The following DNAAF9 variants were observed in gnomAD, a reference collection of about 807,000 sequenced individuals.
DNAAF9 encodes the protein shulin.
A neutral mutation model predicts 167.0 loss-of-function variants in DNAAF9; 90 were observed. The ratio of observed to expected loss-of-function variants is 0.54; its 90% CI spans 0.45 to 0.64. The LOEUF (loss-of-function observed/expected upper bound fraction) is 0.64, where lower values mean the gene tolerates loss of function less well. Among genes scored for constraint, DNAAF9 ranks in the 30% least tolerant of loss-of-function variants. The pLI, the probability that DNAAF9 is intolerant of heterozygous loss-of-function variation, is 0.00. For missense variants in DNAAF9, 1,315 were observed against 1,442.2 expected, an observed-to-expected ratio of 0.91 and a Z score of 1.43; for synonymous variants, 491 against 508.8, an observed-to-expected ratio of 0.96 and a Z score of 0.47.
At chr20:3,255,928 G>T in intron 34 of DNAAF9, 78 bp downstream of exon 34, 3 of 1,085,738 alleles carry the variant, frequency 2.8e-6, no homozygotes, top group East Asian at 5.0e-5. Flanking sequence ...AGGCAGTGGC[G>T]GGGCTTCTCA....
chr20:3,360,524 GT>G lies in DNAAF9; in HGVS notation c.613-932del, dbSNP rs1186269790. Among the ~76,000 whole-genome samples the G allele has an allele frequency of 3.3e-5, 5 of 151,942 alleles. No homozygotes were observed. In the East Asian group the frequency reaches 9.6e-4, roughly 29 times the overall value. On this transcript the variant is annotated intron_variant, in intron 6 of 36. Transcript: ENST00000252032. Reference sequence around the variant, plus strand: ...TACACAATGAATTGCTTTTATTTTGGTATGCATCCAAATTTCAGCATTTAGT... The same window carrying G: ...TACACAATGAATTGCTTTTATTTTGGATGCATCCAAATTTCAGCATTTAGT...
At position 3,382,412 on chromosome 20, in the gene DNAAF9, G is replaced by A; in HGVS notation, c.163+15C>T. On this transcript the variant is annotated intron_variant, in intron 2 of 36. Coordinates refer to ENST00000252032, the MANE Select transcript of DNAAF9 (RefSeq NM_001009984.3). ...TTGCCCAAGCCCTGAGTCCCACCTT[G>A]TTAAAAGCACTGACCTAGGATGCAG... 1 of 1,607,446 alleles carries A rather than the reference G, an allele frequency of 6.2e-7. No individual in the cohort carries two copies. The highest frequency in any genetic ancestry group is 8.5e-7 in the Non-Finnish European group (1 of 1,174,226).
At chr20:3,392,491 C>A (rs569790162) in intron 1 of DNAAF9, among the ~76,000 whole-genome samples, 3 of 152,344 alleles carry the variant, frequency 2.0e-5, no homozygotes, top group Admixed American at 6.5e-5. Context: ...AGATTAACAT[C>A]ATCAGAACCT....
chr20:3,404,663 G>C lies in DNAAF9; in HGVS notation c.83+2812C>G, dbSNP rs551571897. Among the ~76,000 whole-genome samples the C allele has an allele frequency of 1.8e-4, 27 of 152,094 alleles. 1 individual carries two copies. Among genetic ancestry groups the C allele is most frequent in the Non-Finnish European group, 3.1e-4 (21 of 68,024 alleles). On this transcript the variant is annotated intron_variant, in intron 1 of 36. Coordinates refer to ENST00000252032, the MANE Select transcript of DNAAF9 (RefSeq NM_001009984.3). ...TTACAAAAGAGTTATTTGAGGGCAG[G>C]GGACTGCTGTATTTATCTGACTCTA...
At chr20:3,316,613 A>G in intron 18 of DNAAF9, 110 bp downstream of exon 18, 1 of 665,670 alleles carries the variant, frequency 1.5e-6, no homozygotes, top group Non-Finnish European at 2.8e-6. Context: ...AACAACAGCT[A>G]GTTCAGGACC....
At chr20:3,353,862 T>C (rs532986065) in intron 7 of DNAAF9, among the ~76,000 whole-genome samples, 7 of 152,142 alleles carry the variant, frequency 4.6e-5, no homozygotes, top group East Asian at 3.9e-4. Flanking sequence ...GAGAAGAAGA[T>C]AGGCACTTTG....
Position 3,262,272 on chromosome 20 carries a change from C to T in DNAAF9, c.2873+2166G>A, listed in dbSNP as rs558086075. The stretch of plus-strand genomic sequence containing the variant: ...TCTTTTTTTTTTTTTTTTTTTGACA[C>T]GGAGTTTTGCTCTTGTTGCCCAGGC... On this transcript the variant is annotated intron_variant, in intron 31 of 36. Coordinates refer to ENST00000252032, the MANE Select transcript of DNAAF9 (RefSeq NM_001009984.3). Among the ~76,000 whole-genome samples, 9 of 141,024 alleles carry T rather than the reference C, an allele frequency of 6.4e-5. No individual in the cohort carries two copies. In the East Asian group the frequency reaches 1.4e-3, roughly 22 times the overall value. 92.5% of individuals were successfully genotyped at this position (141,024 alleles called of 152,430 possible).
At position 3,265,576 on chromosome 20, in the gene DNAAF9, G is replaced by GAAAA. The variant is rs1228259726; in HGVS notation, c.2787-1056_2787-1053dup. 5.5e-3 allele frequency among the ~76,000 whole-genome samples: 185 copies of GAAAA among 33,830 alleles called. 2 individuals are homozygous for GAAAA. The highest frequency in any genetic ancestry group is 0.019 in the African/African-American group (179 of 9,570). 22.2% of individuals were successfully genotyped at this position (33,830 alleles called of 152,430 possible). On this transcript the variant is annotated intron_variant, in intron 30 of 36. Transcript: ENST00000252032. ...GGTGACAGAGTGAGACTCTGTCTCA[G>GAAAA]AAAAAAAAAAAAAAAAAAAAAGACT...
chr20:3,394,607 A>G (rs1449446772), intron 1 of DNAAF9, among the ~76,000 whole-genome samples: 2 of 152,142 alleles, frequency 1.3e-5, no homozygotes, highest in African/African-American at 4.8e-5. Context: ...ATTCCACTGG[A>G]ATTTTTTTAC....
intron 1 of DNAAF9, among the ~76,000 whole-genome samples, chr20:3,393,086 T>G (rs529280217): frequency 6.4e-4 from 97 of 152,348 alleles, no homozygotes; most frequent in Non-Finnish European, 1.2e-3. Flanking sequence ...TCCAGCTTAG[T>G]ACATAGAACC....
rs1174071985 is a variant in DNAAF9 at position 3,343,675 on chromosome 20, C to T, written c.845+1G>A. 3 of 1,609,316 alleles carry T rather than the reference C, an allele frequency of 1.9e-6. No homozygotes were observed. Among genetic ancestry groups the T allele is most frequent in the African/African-American group, 1.3e-5 (1 of 74,826 alleles). Reference sequence around the variant, plus strand: ...CCTTCTTCCCCAAGAAAGAAACTTACCTGTTTTCAGTTATATGGCTAGAGA... The same window carrying T: ...CCTTCTTCCCCAAGAAAGAAACTTATCTGTTTTCAGTTATATGGCTAGAGA... On this transcript the variant is annotated splice_donor_variant, in intron 9 of 36. Coordinates refer to ENST00000252032, the MANE Select transcript of DNAAF9 (RefSeq NM_001009984.3). LOFTEE classifies it high-confidence loss of function.
At chr20:3,338,744 C>T (rs1420607585) in intron 10 of DNAAF9, among the ~76,000 whole-genome samples, 2 of 151,302 alleles carry the variant, frequency 1.3e-5, no homozygotes, top group African/African-American at 4.9e-5. Flanking sequence ...CCTCCGCCTC[C>T]TGGGTTCAAG....
In DNAAF9 at chr20:3,287,531, T is replaced by C. The variant is rs2068872802; in HGVS notation, c.2486+101A>G. On this transcript the variant is annotated intron_variant, in intron 27 of 36. Transcript: ENST00000252032. ...GTAGCGCAGACACTGCTCATGCATG[T>C]AGAGTCTGTTCTGTGCTCCAGGTTT... 4.5e-6 allele frequency: 5 copies of C among 1,105,128 alleles called. No individual in the cohort carries two copies. In the South Asian group the frequency reaches 6.8e-5, roughly 15 times the overall value. 68.5% of individuals were successfully genotyped at this position (1,105,128 alleles called of 1,614,324 possible).
intron 16 of DNAAF9, among the ~76,000 whole-genome samples, chr20:3,320,643 T>C: frequency 6.6e-6 from 1 of 152,204 alleles, no homozygotes; most frequent in East Asian, 1.9e-4. Flanking sequence ...TAAAAGAACA[T>C]CCACACAAAA....
intron 1 of DNAAF9, among the ~76,000 whole-genome samples, chr20:3,388,157 C>T (rs1240200690): frequency 2.6e-5 from 4 of 151,802 alleles, no homozygotes; most frequent in East Asian, 3.8e-4. Flanking sequence ...AAACTCAACA[C>T]CTCTAATCAT....
chr20:3,286,531 A>G (rs2068855704), intron 27 of DNAAF9, among the ~76,000 whole-genome samples: 1 of 152,162 alleles, frequency 6.6e-6, no homozygotes, highest in Admixed American at 6.5e-5. Flanking sequence ...AGTAGAAACA[A>G]TGAAAAACCA....
chr20:3,347,903 C>A (rs1226244891), intron 8 of DNAAF9, among the ~76,000 whole-genome samples: 1 of 152,036 alleles, frequency 6.6e-6, no homozygotes, highest in Non-Finnish European at 1.5e-5. Flanking sequence ...GCCTGGGCGA[C>A]AGAGTGAGAC....
chr20:3,273,043 C>A (rs2122821528), intron 29 of DNAAF9, among the ~76,000 whole-genome samples: 1 of 152,234 alleles, frequency 6.6e-6, no homozygotes. Context: ...GTTGGTCAGG[C>A]TGGTCTCGAA....
chr20:3,357,725 G>A (rs894464759), intron 7 of DNAAF9, among the ~76,000 whole-genome samples: 4 of 151,582 alleles, frequency 2.6e-5, no homozygotes, highest in African/African-American at 9.7e-5. Context: ...GAATCTCGCT[G>A]TTGTTGCCCG....
Sources: gnomAD v4.1 joint callset for allele counts (sites outside exome capture counted in the v4.1 genomes callset) on GRCh38, gnomAD v4.1.1 for gene constraint, MANE v1.5 for transcripts, NCBI Gene and HGNC (gene_info 2026-07-23, HGNC 2026-07-21) for gene names.